Variants in RAVER2 observed in about 807,000 individuals in gnomAD.
RAVER2 encodes ribonucleoprotein, PTB binding 2.
A neutral mutation model predicts 78.1 loss-of-function variants in RAVER2; 46 were observed. The observed-to-expected ratio is 0.59, with a 90% CI of 0.46 to 0.75. RAVER2 has a LOEUF of 0.75. RAVER2 is among the 30% of genes least tolerant of loss of function. RAVER2 has a pLI of 0.00. For missense variants in RAVER2, 793 were observed against 837.5 expected (o/e 0.95, Z 0.66); for synonymous variants, 311 against 313.3 (o/e 0.99, Z 0.08).
exon 12 of RAVER2, chr1:64,832,738 T>C (rs140460764): frequency 2.0e-5 from 3 of 152,348 alleles, no homozygotes; most frequent in African/African-American, 7.2e-5. Flanking sequence ...CTAAGTATAC[T>C]ACCTATAAGT....
intron 2 of RAVER2, among the ~76,000 whole-genome samples, chr1:64,772,262 C>T (rs994212128): frequency 1.3e-5 from 2 of 152,060 alleles, no homozygotes; most frequent in Admixed American, 6.6e-5. Context: ...GACCTCCTTT[C>T]CCTACTGTCT....
At chr1:64,751,327 C>G (rs960752098) in intron 1 of RAVER2, among the ~76,000 whole-genome samples, 11 of 152,188 alleles carry the variant, frequency 7.2e-5, no homozygotes, top group African/African-American at 2.7e-4. Flanking sequence ...CAGCTTTGTG[C>G]AGGAGCAGAA....
intron 11 of RAVER2, among the ~76,000 whole-genome samples, chr1:64,824,397 T>G (rs1653959009): frequency 6.6e-6 from 1 of 152,192 alleles, no homozygotes; most frequent in Admixed American, 6.5e-5. Flanking sequence ...CAGACAGACT[T>G]GCCAAAAAGT....
In RAVER2 at chr1:64,801,180, C is replaced by G. The variant is rs567140006; in HGVS notation, c.1106-1796C>G. ...ATGGCGTGATCTCAGCTCACTGCAACCTCCGCCTCCCAGCCTCAAGCAGTT... is the reference window on the plus strand; with the variant it reads ...ATGGCGTGATCTCAGCTCACTGCAAGCTCCGCCTCCCAGCCTCAAGCAGTT... On this transcript the variant is annotated intron_variant, in intron 5 of 11. Coordinates refer to ENST00000294428, the Ensembl canonical transcript of RAVER2. Among the ~76,000 whole-genome samples, 26 of 151,644 alleles carry G rather than the reference C, an allele frequency of 1.7e-4. 1 individual carries two copies. The East Asian group carries it at 3.1e-3, about 18-fold the overall frequency.
Position 64,824,932 on chromosome 1 carries a change from C to CAAAAAAAAAAAAAAA in RAVER2, c.1930-5894_1930-5880dup, listed in dbSNP as rs56179197. 5.8e-4 allele frequency among the ~76,000 whole-genome samples: 46 copies of CAAAAAAAAAAAAAAA among 79,394 alleles called. 5 individuals are homozygous for CAAAAAAAAAAAAAAA. Among genetic ancestry groups the CAAAAAAAAAAAAAAA allele is most frequent in the African/African-American group, 2.7e-3 (35 of 12,880 alleles). The allele number at this position is 79,394 out of a possible 152,430, so 52.1% of individuals were successfully genotyped here. A position where few individuals can be genotyped will look rare whatever the true frequency, so the allele number is the denominator to read the frequency against. ...GGCAACAGAGCGAGACCCTGTCTCC[C>CAAAAAAAAAAAAAAA]AAAAAAAAAAAAAAAAAAAAAAAAA... On this transcript the variant is annotated intron_variant, in intron 11 of 11. Transcript: ENST00000294428.
Position 64,802,373 on chromosome 1 carries a change from C to T in RAVER2, c.1106-603C>T, listed in dbSNP as rs537877072. On this transcript the variant is annotated intron_variant, in intron 5 of 11. Transcript: ENST00000294428. Reference sequence around the variant, plus strand: ...GTTCAAACATCTCTGACACCCCCCACCTGCTCCCTTTTGTAAGTTTTCCAT... The same window carrying T: ...GTTCAAACATCTCTGACACCCCCCATCTGCTCCCTTTTGTAAGTTTTCCAT... Among the ~76,000 whole-genome samples, 27 of 152,296 alleles carry T rather than the reference C, an allele frequency of 1.8e-4. No individual in the cohort carries two copies. The South Asian group carries it at 3.9e-3, about 22-fold the overall frequency.
At chr1:64,812,362 C>CAA (rs61411897) in intron 9 of RAVER2, among the ~76,000 whole-genome samples, 11,626 of 69,870 alleles carry the variant, frequency 0.17, 1,805 homozygotes, top group African/African-American at 0.4. Context: ...ATTCCATCTC[C>CAA]AAAAAAAAAA....
chr1:64,781,905 C>CT (rs1252929365), intron 4 of RAVER2, among the ~76,000 whole-genome samples: 21 of 150,912 alleles, frequency 1.4e-4, no homozygotes, highest in Admixed American at 7.3e-4. Context: ...TTTTTCTTTT[C>CT]TTTTTTTTTA....
chr1:64,777,474 G>A (rs1652497178), intron 2 of RAVER2, 149 bp from the exon 3 acceptor site: 1 of 626,404 alleles, frequency 1.6e-6, no homozygotes, highest in Non-Finnish European at 2.7e-6. Flanking sequence ...ATGTCACAAT[G>A]CATTGCATAT....
At chr1:64,797,761 A>G (rs1193691759) in intron 5 of RAVER2, among the ~76,000 whole-genome samples, 9 of 152,076 alleles carry the variant, frequency 5.9e-5, no homozygotes, top group African/African-American at 1.9e-4. Flanking sequence ...CACCGTATCT[A>G]TCTATATCTA....
intron 1 of RAVER2, among the ~76,000 whole-genome samples, chr1:64,761,673 C>G (rs1652025333): frequency 6.6e-6 from 1 of 151,816 alleles, no homozygotes; most frequent in Non-Finnish European, 1.5e-5. Flanking sequence ...CACTGCTATT[C>G]AAGACTGTAT....
At chr1:64,775,694 T>G (rs991035332) in intron 2 of RAVER2, among the ~76,000 whole-genome samples, 4 of 152,026 alleles carry the variant, frequency 2.6e-5, no homozygotes, top group African/African-American at 9.7e-5. Context: ...CTTGGACAGT[T>G]ATGAAGCAAA....
At chr1:64,773,397 A>G (rs1652374417) in intron 2 of RAVER2, among the ~76,000 whole-genome samples, 1 of 149,162 alleles carries the variant, frequency 6.7e-6, no homozygotes, top group South Asian at 2.1e-4. Context: ...ATTTGTTCTC[A>G]TTGTTCAGCT....
intron 9 of RAVER2, among the ~76,000 whole-genome samples, chr1:64,812,276 C>T (rs975625667): frequency 4.1e-5 from 6 of 148,040 alleles, no homozygotes; most frequent in African/African-American, 1.5e-4. Flanking sequence ...GCAGGAGAAT[C>T]GCTTGAACCT....
intron 3 of RAVER2, among the ~76,000 whole-genome samples, chr1:64,779,949 C>G (rs151052350): frequency 1.3e-5 from 2 of 151,882 alleles, no homozygotes; most frequent in East Asian, 1.9e-4. Flanking sequence ...TTGAATGGCT[C>G]TCATATTGAA....
chr1:64,782,900 G>A lies in RAVER2; in HGVS notation c.978+1329G>A, dbSNP rs561828425. On this transcript the variant is annotated intron_variant, in intron 4 of 11. Transcript: ENST00000294428. Reference sequence around the variant, plus strand: ...CCCCCAGCCCCCTACCCCGCGACAGGCCCTGGTGTGTGATGTTCCCCATCC... The same window carrying A: ...CCCCCAGCCCCCTACCCCGCGACAGACCCTGGTGTGTGATGTTCCCCATCC... 1.2e-4 allele frequency among the ~76,000 whole-genome samples: 18 copies of A among 152,212 alleles called. No homozygotes were observed. In the South Asian group the frequency reaches 3.3e-3, roughly 28 times the overall value.
chr1:64,747,019 C>T (rs973689036), intron 1 of RAVER2, among the ~76,000 whole-genome samples: 1 of 152,180 alleles, frequency 6.6e-6, no homozygotes, highest in African/African-American at 2.4e-5. Context: ...TATATTTAGA[C>T]CCCAAATTGA....
rs1653316470 is a variant in RAVER2, at chr1:64,803,197, A to G, written c.1191+136A>G. 6 of 590,838 alleles carry G rather than the reference A, an allele frequency of 1.0e-5. No homozygotes were observed. The Admixed American group carries it at 2.0e-4, about 20-fold the overall frequency. The allele number at this position is 590,838 out of a possible 1,614,324, so 36.6% of individuals were successfully genotyped here. ...AAAATCTTTAATAATAAGTATAGGT[A>G]TGTAAAATCATAACTTATTGAGTAT... On this transcript the variant is annotated intron_variant, in intron 6 of 11. Coordinates refer to ENST00000294428, the Ensembl canonical transcript of RAVER2.
chr1:64,826,387 C>T (rs1003976010), intron 11 of RAVER2, among the ~76,000 whole-genome samples: 11 of 152,232 alleles, frequency 7.2e-5, no homozygotes, highest in African/African-American at 2.6e-4. Context: ...GGGCAAAGAC[C>T]AGAACTTTAG....
Sources: gnomAD v4.1 joint callset for allele counts (sites outside exome capture counted in the v4.1 genomes callset) on GRCh38, gnomAD v4.1.1 for gene constraint, MANE v1.5 for transcripts, NCBI Gene and HGNC (gene_info 2026-07-23, HGNC 2026-07-21) for gene names.